Variants in VIT observed in about 807,000 individuals in gnomAD.
VIT encodes the protein vitrin.
A neutral mutation model predicts 78.0 loss-of-function variants in VIT; 99 were observed. The observed-to-expected ratio is 1.27, with a 90% CI of 1.08 to 1.50. VIT has a LOEUF of 1.50. Ranked by LOEUF, VIT falls within the 40% of genes most tolerant of loss-of-function variation. VIT has a pLI of 0.00. For synonymous variants in VIT, 374 were observed against 334.3 expected (o/e 1.12, Z -1.29); for missense variants, 1,126 against 875.3 (o/e 1.29, Z -3.61).
At chr2:36,776,230 G>C (rs891619019) in intron 9 of VIT, among the ~76,000 whole-genome samples, 2 of 152,084 alleles carry the variant, frequency 1.3e-5, no homozygotes, top group Non-Finnish European at 2.9e-5. Flanking sequence ...CTCAAAGTGT[G>C]GTCCAAAGAC....
chr2:36,767,134 G>C lies in VIT; in HGVS notation c.528G>C (p.Gly176=). The C allele has an allele frequency of 6.2e-7, 1 of 1,606,110 alleles. No homozygotes were observed. The highest frequency in any genetic ancestry group is 8.5e-7 in the Non-Finnish European group (1 of 1,176,648). The change falls in exon 7 of 16, where the codon GGG becomes GGC. Residue 176 remains glycine, a synonymous_variant. Coordinates refer to ENST00000379242, the MANE Select transcript of VIT (RefSeq NM_053276.4). ...CCTATCAGAGGCCACCTATTCCAGGGACAACTGCACAGCCGGTCACTCTGA... is the reference window on the plus strand; with the variant it reads ...CCTATCAGAGGCCACCTATTCCAGGCACAACTGCACAGCCGGTCACTCTGA... The part of the protein sequence containing the change: ...TKAYQRPPIP[G]TTAQPVTLMQ...
At chr2:36,743,303 T>C (rs751898198) in intron 4 of VIT, 47 bp downstream of exon 4, 1 of 1,502,548 alleles carries the variant, frequency 6.7e-7, no homozygotes, top group Non-Finnish European at 9.0e-7. Flanking sequence ...ATCAGGGTGT[T>C]GGCAGGGAGC....
chr2:36,783,328 T>C lies in VIT; in HGVS notation c.848-12T>C. ...CCTTGTAAGTCACCAAAAGTTTTAC[T>C]GCTCTTTCCAGGACTTGTTCCAAAA... On this transcript the variant is annotated splice_polypyrimidine_tract_variant and intron_variant, in intron 10 of 15. Transcript: ENST00000379242. 2.5e-6 allele frequency: 4 copies of C among 1,614,078 alleles called. No individual in the cohort carries two copies. The highest frequency in any genetic ancestry group is 3.4e-6 in the Non-Finnish European group (4 of 1,179,930).
chr2:36,814,439 C>G lies in VIT; in HGVS notation c.*78C>G, dbSNP rs554618714. 1.7e-5 allele frequency: 26 copies of G among 1,505,452 alleles called. No individual in the cohort carries two copies. Among genetic ancestry groups the G allele is most frequent in the African/African-American group, 4.1e-5 (3 of 72,758 alleles). The allele number at this position is 1,505,452 out of a possible 1,614,324, so 93.3% of individuals were successfully genotyped here. A position where few individuals can be genotyped will look rare whatever the true frequency, so the allele number is the denominator to read the frequency against. ...GACCACCCCACCGCTTAATGGGGCA[C>G]GCACGGTGCATCAAGTCTTGGGCAG... On this transcript the variant is annotated 3_prime_UTR_variant, in exon 16 of 16. Coordinates refer to ENST00000379242, the MANE Select transcript of VIT (RefSeq NM_053276.4).
At chr2:36,779,261 T>A (rs2148616110) in intron 9 of VIT, among the ~76,000 whole-genome samples, 1 of 152,336 alleles carries the variant, frequency 6.6e-6, no homozygotes, top group South Asian at 2.1e-4. Context: ...CTTAAAGTTC[T>A]GTTCTGCCAC....
chr2:36,743,518 T>C (rs1331245201), intron 4 of VIT, among the ~76,000 whole-genome samples: 1 of 152,244 alleles, frequency 6.6e-6, no homozygotes, highest in African/African-American at 2.4e-5. Context: ...TATTCATTTT[T>C]TATCTTTGCT....
rs1272895318 is a variant in VIT at position 36,787,173 on chromosome 2, A to G, written c.955A>G (p.Ile319Val). 1.4e-5 allele frequency: 23 copies of G among 1,614,208 alleles called. No homozygotes were observed. The highest frequency in any genetic ancestry group is 1.9e-5 in the Non-Finnish European group (23 of 1,180,040). Residue 319 changes from isoleucine (I) to valine (V), a missense_variant, in exon 12 of 16, where the codon ATT (isoleucine) becomes GTT (valine). Physicochemically the swap from Ile to Val is conservative, Grantham distance 29. Coordinates refer to ENST00000379242, the MANE Select transcript of VIT (RefSeq NM_053276.4). The stretch of plus-strand genomic sequence containing the variant: ...GTTTTTAATTGATGGGAGCACCAGC[A>G]TTGGCAAACGGCGATTCCGAATCCA... Reference protein sequence around the residue: ...LSFLIDGSTSIGKRRFRIQKQ... With the variant: ...LSFLIDGSTSVGKRRFRIQKQ...
At chr2:36,734,698 T>C (rs938000136) in intron 3 of VIT, among the ~76,000 whole-genome samples, 1 of 152,166 alleles carries the variant, frequency 6.6e-6, no homozygotes, top group African/African-American at 2.4e-5. Context: ...ATTTTGGTAG[T>C]TATCTCTTTC....
At chr2:36,755,093 A>G (rs758140967) in intron 5 of VIT, 39 bp downstream of exon 5, 2 of 1,592,810 alleles carry the variant, frequency 1.3e-6, no homozygotes, top group African/African-American at 1.3e-5. Flanking sequence ...TAAACCTACC[A>G]CAAGATGAAA....
intron 1 of VIT, among the ~76,000 whole-genome samples, chr2:36,709,319 C>T (rs1260083562): frequency 1.3e-5 from 2 of 152,098 alleles, no homozygotes; most frequent in South Asian, 2.1e-4. Flanking sequence ...TTGGAAAGTC[C>T]GTAACCTTTG....
chr2:36,758,456 G>A (rs766882353), intron 5 of VIT, among the ~76,000 whole-genome samples: 2 of 152,096 alleles, frequency 1.3e-5, no homozygotes, highest in African/African-American at 2.4e-5. Flanking sequence ...GCTAGCTACC[G>A]TGTCTCCCCC....
At chr2:36,723,987 G>T (rs977346645) in intron 2 of VIT, among the ~76,000 whole-genome samples, 9 of 138,090 alleles carry the variant, frequency 6.5e-5, no homozygotes, top group South Asian at 2.7e-4. Context: ...GGAGGGGGGG[G>T]ATTATTTATG....
intron 15 of VIT, among the ~76,000 whole-genome samples, chr2:36,810,732 C>T (rs562760500): frequency 1.0e-3 from 158 of 151,774 alleles, no homozygotes; most frequent in African/African-American, 3.7e-3. Context: ...CTCCCGGATT[C>T]AAGCGATTCT....
intron 4 of VIT, among the ~76,000 whole-genome samples, chr2:36,747,222 G>A (rs2148527396): frequency 6.6e-6 from 1 of 152,238 alleles, no homozygotes; most frequent in Non-Finnish European, 1.5e-5. Context: ...AACTAAACAT[G>A]TGGTCAATCA....
intron 3 of VIT, among the ~76,000 whole-genome samples, chr2:36,729,758 A>G (rs1667080552): frequency 6.6e-6 from 1 of 152,220 alleles, no homozygotes; most frequent in African/African-American, 2.4e-5. Context: ...AGGCAACAGT[A>G]TGTCTCTATG....
At chr2:36,752,843 A>G (rs1572475616) in intron 4 of VIT, among the ~76,000 whole-genome samples, 1 of 152,222 alleles carries the variant, frequency 6.6e-6, no homozygotes, top group South Asian at 2.1e-4. Flanking sequence ...TTGACCCAGC[A>G]ATCCCATTAC....
Position 36,776,855 on chromosome 2 carries a change from C to T in VIT, c.802+1788C>T, listed in dbSNP as rs1268589597. On this transcript the variant is annotated intron_variant, in intron 9 of 15. Coordinates refer to ENST00000379242, the MANE Select transcript of VIT (RefSeq NM_053276.4). ...CCTGTATCCCAGCACTTTGGGAGGC[C>T]AAGGAGGGCAGATCACGAGGTCAGG... is the stretch of plus-strand genomic sequence containing the variant. Among the ~76,000 whole-genome samples, 11 of 151,728 alleles carry T rather than the reference C, an allele frequency of 7.2e-5. 1 individual carries two copies. Among genetic ancestry groups the T allele is most frequent in the African/African-American group, 1.7e-4 (7 of 41,302 alleles).
intron 3 of VIT, among the ~76,000 whole-genome samples, chr2:36,733,363 C>T (rs2148493885): frequency 6.6e-6 from 1 of 152,280 alleles, no homozygotes; most frequent in East Asian, 1.9e-4. Context: ...TCTCTCTCTC[C>T]AGACCATGTC....
At chr2:36,729,555 A>G (rs1667068256) in intron 3 of VIT, 64 bp downstream of exon 3, 2 of 1,521,160 alleles carry the variant, frequency 1.3e-6, no homozygotes, top group Non-Finnish European at 1.8e-6. Context: ...GGGTTATTAT[A>G]CTTGTTTTAG....
Sources: allele counts gnomAD v4.1 joint callset (sites outside exome capture counted in the v4.1 genomes callset), GRCh38; gene constraint gnomAD v4.1.1; transcripts MANE v1.5; gene names NCBI Gene and HGNC (gene_info 2026-07-23, HGNC 2026-07-21).